Variants in NAALADL2 observed in about 807,000 individuals in gnomAD.
The protein encoded by NAALADL2 is N-acetylated alpha-linked acidic dipeptidase like 2.
NAALADL2 carries 76 observed loss-of-function variants against 87.2 expected under a neutral mutation model. That is an observed-to-expected ratio of 0.87 (90% CI 0.72 to 1.05). The LOEUF (loss-of-function observed/expected upper bound fraction) is 1.05. Ranked by LOEUF, NAALADL2 falls within the 50% of genes least tolerant of loss-of-function variation. NAALADL2 has a pLI of 0.00. For synonymous variants in NAALADL2, 354 were observed against 331.0 expected, an observed-to-expected ratio of 1.07 and a Z score of -0.75; for missense variants, 1,089 against 945.8, an observed-to-expected ratio of 1.15 and a Z score of -1.99.
chr3:175,134,979 T>A (rs1728887523), intron 2 of NAALADL2, among the ~76,000 whole-genome samples: 1 of 152,190 alleles, frequency 6.6e-6, no homozygotes, highest in Admixed American at 6.5e-5. Flanking sequence ...CATAACATCC[T>A]ACATTAATTG....
chr3:174,559,497 G>T (rs186205928), intron 2 of NAALADL2, among the ~76,000 whole-genome samples: 7 of 152,150 alleles, frequency 4.6e-5, no homozygotes, highest in Middle Eastern at 3.4e-3. Flanking sequence ...GCAGATTATC[G>T]TGCAAGATGG....
At chr3:175,182,018 A>C (rs1406332886) in intron 2 of NAALADL2, among the ~76,000 whole-genome samples, 7 of 151,834 alleles carry the variant, frequency 4.6e-5, no homozygotes, top group Non-Finnish European at 1.0e-4. Flanking sequence ...TTCCCACCAA[A>C]AATGTACAAC....
chr3:175,676,564 C>T (rs1412163842), intron 11 of NAALADL2: 1 of 152,052 alleles, frequency 6.6e-6, no homozygotes, highest in Non-Finnish European at 1.5e-5. Context: ...GTTATGTCCT[C>T]TCACTGTAAC....
At chr3:175,308,127 C>G (rs1327736492) in intron 4 of NAALADL2, among the ~76,000 whole-genome samples, 1 of 152,158 alleles carries the variant, frequency 6.6e-6, no homozygotes, top group Non-Finnish European at 1.5e-5. Context: ...ACAGAGAAAA[C>G]CATTTTTTTT....
chr3:175,262,116 G>A (rs1324216383), intron 4 of NAALADL2, among the ~76,000 whole-genome samples: 1 of 152,034 alleles, frequency 6.6e-6, no homozygotes, highest in Non-Finnish European at 1.5e-5. Context: ...GGTTTAGTGA[G>A]AAAATATTTA....
intron 11 of NAALADL2, among the ~76,000 whole-genome samples, chr3:175,710,583 C>CAG: frequency 7.8e-6 from 1 of 128,336 alleles, no homozygotes; most frequent in African/African-American, 3.8e-5. Context: ...AATACGTATT[C>CAG]AGATATATAT....
At chr3:175,040,245 C>T (rs551960027) in intron 1 of NAALADL2, among the ~76,000 whole-genome samples, 2 of 152,130 alleles carry the variant, frequency 1.3e-5, no homozygotes, top group African/African-American at 4.8e-5. Context: ...AAACACCCAA[C>T]CTCAGAAATC....
chr3:175,395,611 A>C (rs1769676531), intron 5 of NAALADL2, among the ~76,000 whole-genome samples: 1 of 152,232 alleles, frequency 6.6e-6, no homozygotes, highest in South Asian at 2.1e-4. Flanking sequence ...TTAAAATTTC[A>C]ATATGACCAC....
chr3:174,617,880 T>C (rs1295617628), intron 2 of NAALADL2, among the ~76,000 whole-genome samples: 1 of 151,752 alleles, frequency 6.6e-6, no homozygotes, highest in African/African-American at 2.4e-5. Context: ...GTGATCTAGC[T>C]TTATGTTATA....
chr3:174,571,455 A>G (rs1714913323), intron 2 of NAALADL2, among the ~76,000 whole-genome samples: 1 of 152,038 alleles, frequency 6.6e-6, no homozygotes, highest in African/African-American at 2.4e-5. Context: ...GTGCCCACCA[A>G]AAACTCCGCC....
At chr3:175,770,091 C>A (rs543255311) in intron 13 of NAALADL2, among the ~76,000 whole-genome samples, 2 of 152,200 alleles carry the variant, frequency 1.3e-5, no homozygotes, top group East Asian at 1.9e-4. Context: ...CTGTAAGACA[C>A]CTTCACAGCA....
intron 6 of NAALADL2, among the ~76,000 whole-genome samples, chr3:175,458,673 G>C (rs1254136891): frequency 6.6e-6 from 1 of 151,328 alleles, no homozygotes; most frequent in Non-Finnish European, 1.5e-5. Context: ...TTCTCTAGCA[G>C]TTAGAAATTG....
At chr3:175,127,708 G>A (rs1447062391) in intron 2 of NAALADL2, among the ~76,000 whole-genome samples, 2 of 151,888 alleles carry the variant, frequency 1.3e-5, no homozygotes, top group East Asian at 1.9e-4. Context: ...TGTTCATACT[G>A]TTTTCAATAT....
At chr3:175,451,204 A>G (rs892871207) in intron 6 of NAALADL2, among the ~76,000 whole-genome samples, 9 of 152,174 alleles carry the variant, frequency 5.9e-5, no homozygotes, top group African/African-American at 2.2e-4. Flanking sequence ...ACTTGCAACT[A>G]AAAGCTATCT....
rs140027429 is a variant in NAALADL2 at position 175,613,040 on chromosome 3, CTT to C, written c.1801-14249_1801-14248del. ...TTGGTAAACAGCTAGGGCTCTGAGACTTTGGCGTGTCTTTCCCTCATCCATAA... is the reference window on the plus strand; with the variant it reads ...TTGGTAAACAGCTAGGGCTCTGAGACTGGCGTGTCTTTCCCTCATCCATAA... On this transcript the variant is annotated intron_variant, in intron 10 of 13. Transcript: ENST00000454872. Among the ~76,000 whole-genome samples the C allele has an allele frequency of 2.6e-3, 389 of 152,196 alleles. 2 individuals carry two copies. The highest frequency in any genetic ancestry group is 4.5e-3 in the Non-Finnish European group (303 of 68,024).
intron 5 of NAALADL2, among the ~76,000 whole-genome samples, chr3:175,414,189 A>T (rs1714155167): frequency 6.6e-6 from 1 of 152,170 alleles, no homozygotes; most frequent in African/African-American, 2.4e-5. Flanking sequence ...TCATAGCTAT[A>T]GTTTGCCAAT....
chr3:175,471,673 CT>C lies in NAALADL2; in HGVS notation c.1570del (p.Tyr524IlefsTer8). Reference protein sequence around the residue: ...FKKVLQKNVVAYISLHSPIRG... With the variant: ...FKKVLQKNVVXYISLHSPIRG... ...AAGGTTCTTCAGAAAAATGTTGTGG[CT>C]TATATTAGCCTCCACAGTCCCATAA... On this transcript the variant is annotated frameshift_variant, in exon 9 of 14. Coordinates refer to ENST00000454872, the MANE Select transcript of NAALADL2 (RefSeq NM_207015.3). LOFTEE classifies it high-confidence loss of function. 5 of 1,556,574 alleles carry C rather than the reference CT, an allele frequency of 3.2e-6. No homozygotes were observed. Among genetic ancestry groups the C allele is most frequent in the Non-Finnish European group, 4.4e-6 (5 of 1,131,522 alleles).
chr3:175,310,256 T>C (rs1360235117), intron 4 of NAALADL2, among the ~76,000 whole-genome samples: 1 of 152,174 alleles, frequency 6.6e-6, no homozygotes, highest in Admixed American at 6.6e-5. Flanking sequence ...ATTGTTTTCT[T>C]TATCTTCATA....
At chr3:175,314,563 CTATATATATATATATATATATA>C (rs57049565) in intron 4 of NAALADL2, among the ~76,000 whole-genome samples, 7 of 69,596 alleles carry the variant, frequency 1.0e-4, no homozygotes, top group South Asian at 5.8e-4. Context: ...CACATTCTAA[CTATATATATATATATATATATA>C]TATATATATA....
Sources: allele counts gnomAD v4.1 joint callset (sites outside exome capture counted in the v4.1 genomes callset), GRCh38; gene constraint gnomAD v4.1.1; transcripts MANE v1.5; gene names NCBI Gene and HGNC (gene_info 2026-07-23, HGNC 2026-07-21).